Variants in CLASP1 observed in about 807,000 individuals in gnomAD.
The protein encoded by CLASP1 is cytoplasmic linker associated protein 1.
In CLASP1, 38 loss-of-function variants were observed where a neutral mutation model predicts 192.3. The observed-to-expected ratio is 0.20, with a 90% CI of 0.15 to 0.26. The LOEUF is 0.26. Ranked by LOEUF, CLASP1 falls within the 10% of genes least tolerant of loss-of-function variation. CLASP1 has a pLI of 1.00. For missense variants in CLASP1, 1,433 were observed against 1,932.5 expected, an observed-to-expected ratio of 0.74 and a Z score of 4.85; for synonymous variants, 691 against 712.8, an observed-to-expected ratio of 0.97 and a Z score of 0.49.
At chr2:121,364,785 C>T (rs1284979320) in intron 36 of CLASP1, 1 of 322,732 alleles carries the variant, frequency 3.1e-6, no homozygotes, top group East Asian at 6.4e-5. Context: ...CCTAAAAGAC[C>T]ACATTCTATG....
chr2:121,623,292 G>T (rs1439673943), intron 1 of CLASP1, among the ~76,000 whole-genome samples: 1 of 152,156 alleles, frequency 6.6e-6, no homozygotes, highest in Non-Finnish European at 1.5e-5. Flanking sequence ...CTATTGAGAT[G>T]ATCATGTTGG....
chr2:121,491,711 CG>C (rs2093315913), intron 8 of CLASP1, among the ~76,000 whole-genome samples: 1 of 152,106 alleles, frequency 6.6e-6, no homozygotes, highest in African/African-American at 2.4e-5. Flanking sequence ...CATTCAAAGC[CG>C]AAAGGCCTTC....
chr2:121,445,610 A>AT, intron 19 of CLASP1: 4 of 488,910 alleles, frequency 8.2e-6, no homozygotes, highest in Non-Finnish European at 1.4e-5. Context: ...CTATATTTCA[A>AT]TTTTTTGGTG....
chr2:121,642,761 T>G (rs2072388481), intron 1 of CLASP1, among the ~76,000 whole-genome samples: 1 of 152,096 alleles, frequency 6.6e-6, no homozygotes, highest in Admixed American at 6.6e-5. Flanking sequence ...TTACCAAAAT[T>G]TGCCATATTA....
intron 8 of CLASP1, among the ~76,000 whole-genome samples, chr2:121,492,989 A>G (rs2093385188): frequency 6.6e-6 from 1 of 152,212 alleles, no homozygotes; most frequent in African/African-American, 2.4e-5. Context: ...ACTGAATTAT[A>G]CACTTGAAAT....
rs563416635 is a variant in CLASP1 at position 121,353,850 on chromosome 2, G to T, written c.4207-5132C>A. On this transcript the variant is annotated intron_variant, in intron 37 of 39. Coordinates refer to ENST00000263710, the Ensembl canonical transcript of CLASP1. ...CTGTTGCCCAGGCTGGAGTGCGATG[G>T]TGTGATCATGGCTCACTGCAGCCTC... Among the ~76,000 whole-genome samples, 3 of 152,322 alleles carry T rather than the reference G, an allele frequency of 2.0e-5. No homozygotes were observed. In the South Asian group the frequency reaches 6.2e-4, roughly 32 times the overall value.
chr2:121,496,947 T>C lies in CLASP1; in HGVS notation c.712+6220A>G, dbSNP rs556540375. On this transcript the variant is annotated intron_variant, in intron 8 of 39. Coordinates refer to ENST00000263710, the Ensembl canonical transcript of CLASP1. ...GCAACATGGATGGAACTAGAGGCCA[T>C]CATATTATATAAAATAAGCCAAGCA... Among the ~76,000 whole-genome samples, 3 of 152,254 alleles carry C rather than the reference T, an allele frequency of 2.0e-5. No homozygotes were observed. In the East Asian group the frequency reaches 5.8e-4, roughly 29 times the overall value.
At chr2:121,433,781 C>T (rs1019610769) in intron 19 of CLASP1, among the ~76,000 whole-genome samples, 1 of 152,062 alleles carries the variant, frequency 6.6e-6, no homozygotes, top group Non-Finnish European at 1.5e-5. Context: ...AAAATTAAAC[C>T]TGGGCTAAAC....
chr2:121,643,175 A>G (rs912019013), intron 1 of CLASP1, among the ~76,000 whole-genome samples: 2 of 152,264 alleles, frequency 1.3e-5, no homozygotes, highest in African/African-American at 2.4e-5. Context: ...CAATCTTAAC[A>G]GATACACAAA....
intron 21 of CLASP1, 71 bp from the exon 22 acceptor site, chr2:121,425,377 C>A (rs2080215766): frequency 7.6e-7 from 1 of 1,309,598 alleles, no homozygotes; most frequent in South Asian, 1.5e-5. Flanking sequence ...CTTTCAAAAG[C>A]CAGATTTTAC....
chr2:121,633,103 A>G (rs2070112131), intron 1 of CLASP1, among the ~76,000 whole-genome samples: 1 of 150,982 alleles, frequency 6.6e-6, no homozygotes, highest in Non-Finnish European at 1.5e-5. Flanking sequence ...CAGACAAGCT[A>G]GGAGAGAAAC....
chr2:121,483,518 ATG>A (rs1028833982), intron 8 of CLASP1, among the ~76,000 whole-genome samples: 34 of 151,712 alleles, frequency 2.2e-4, no homozygotes, highest in African/African-American at 3.9e-4. Flanking sequence ...GTATGTATAT[ATG>A]TGTGTGTATA....
intron 2 of CLASP1, among the ~76,000 whole-genome samples, chr2:121,555,213 T>C (rs2058434038): frequency 6.6e-6 from 1 of 152,228 alleles, no homozygotes; most frequent in Admixed American, 6.5e-5. Flanking sequence ...TGCTCTCGCA[T>C]GCTCCCGTCT....
intron 8 of CLASP1, among the ~76,000 whole-genome samples, chr2:121,493,389 C>T (rs1257204129): frequency 6.6e-6 from 1 of 152,172 alleles, no homozygotes; most frequent in Non-Finnish European, 1.5e-5. Context: ...AAAGAACACA[C>T]ACTGGGGAAA....
intron 2 of CLASP1, 87 bp from the exon 3 acceptor site, chr2:121,530,412 T>TC: frequency 9.7e-7 from 1 of 1,029,362 alleles, no homozygotes; most frequent in Non-Finnish European, 1.5e-6. Flanking sequence ...CCTAGACATT[T>TC]CCGGCCCAGA....
intron 8 of CLASP1, among the ~76,000 whole-genome samples, chr2:121,499,823 AAAGAT>A (rs2093671751): frequency 1.3e-5 from 2 of 152,056 alleles, no homozygotes; most frequent in Admixed American, 6.5e-5. Context: ...GAAAAAAAAA[AAAGAT>A]AAGATAAACA....
chr2:121,346,874 G>A (rs2063521938), intron 39 of CLASP1, among the ~76,000 whole-genome samples, 164 bp downstream of exon 40: 2 of 152,210 alleles, frequency 1.3e-5, no homozygotes, highest in South Asian at 2.1e-4. Flanking sequence ...TGATTTCACT[G>A]TATAGTTCAT....
At chr2:121,637,758 T>G (rs1190764196) in intron 1 of CLASP1, among the ~76,000 whole-genome samples, 2 of 151,978 alleles carry the variant, frequency 1.3e-5, no homozygotes, top group Non-Finnish European at 2.9e-5. Context: ...TGGTGGTGCA[T>G]GCCTGTAATC....
rs531406620 is a variant in CLASP1, at chr2:121,500,290, G to C, written c.712+2877C>G. 8.7e-5 allele frequency among the ~76,000 whole-genome samples: 13 copies of C among 149,086 alleles called. No individual in the cohort carries two copies. In the East Asian group the frequency reaches 2.0e-3, roughly 23 times the overall value. On this transcript the variant is annotated intron_variant, in intron 8 of 39. Transcript: ENST00000263710. ...GAAGGAGGAGGAGGTGGGGGAGAGA[G>C]AGAAAGAGGGAGAGACAGAAAGAGA...
Sources: allele counts gnomAD v4.1 joint callset (sites outside exome capture counted in the v4.1 genomes callset), GRCh38; gene constraint gnomAD v4.1.1; transcripts MANE v1.5; gene names NCBI Gene and HGNC (gene_info 2026-07-23, HGNC 2026-07-21).